SEMA5A: variants seen among roughly 807,000 people sequenced by gnomAD.
The protein encoded by SEMA5A is semaphorin 5A.
In SEMA5A, 55 loss-of-function variants were observed where a neutral mutation model predicts 135.5. That is an observed-to-expected ratio of 0.41 (90% CI 0.33 to 0.51). The LOEUF (loss-of-function observed/expected upper bound fraction) is 0.51, where lower values mean the gene tolerates loss of function less well. Ranked by LOEUF, SEMA5A falls within the 20% of genes least tolerant of loss-of-function variation. The pLI, the probability that SEMA5A is intolerant of heterozygous loss-of-function variation, is 0.37. For synonymous variants in SEMA5A, 580 were observed against 546.5 expected (o/e 1.06, Z -0.85); for missense variants, 1,290 against 1,419.9 (o/e 0.91, Z 1.47).
chr5:9,122,562 C>T, intron 14 of SEMA5A, 94 bp downstream of exon 14: 1 of 1,279,068 alleles, frequency 7.8e-7, no homozygotes. Flanking sequence ...CAGTTCTCTC[C>T]AAAAGGGAGT....
intron 5 of SEMA5A, among the ~76,000 whole-genome samples, chr5:9,312,671 T>G (rs1241714832): frequency 6.6e-6 from 1 of 152,270 alleles, no homozygotes; most frequent in Non-Finnish European, 1.5e-5. Flanking sequence ...GTATCCCAAT[T>G]CCTGCTCAAA....
intron 5 of SEMA5A, among the ~76,000 whole-genome samples, chr5:9,249,474 G>T (rs1302031325): frequency 2.0e-5 from 3 of 152,192 alleles, no homozygotes; most frequent in African/African-American, 4.8e-5. Context: ...ATATCTCTTT[G>T]AGAGTGACTC....
chr5:9,262,319 A>C (rs1332665774), intron 5 of SEMA5A, among the ~76,000 whole-genome samples: 1 of 107,274 alleles, frequency 9.3e-6, no homozygotes, highest in Non-Finnish European at 1.8e-5. Context: ...TAGTTCAACC[A>C]TTGTGGAAGT....
chr5:9,099,006 T>A (rs577527605), intron 16 of SEMA5A, among the ~76,000 whole-genome samples: 5 of 152,064 alleles, frequency 3.3e-5, no homozygotes, highest in Admixed American at 2.6e-4. Context: ...TACAACAGAG[T>A]CTTCCAACAT....
intron 5 of SEMA5A, among the ~76,000 whole-genome samples, chr5:9,274,255 T>C (rs964523497): frequency 6.6e-6 from 1 of 152,090 alleles, no homozygotes; most frequent in African/African-American, 2.4e-5. Flanking sequence ...CATTACATAA[T>C]AGTAAAGGGA....
chr5:9,540,278 G>A (rs910150726), intron 1 of SEMA5A, among the ~76,000 whole-genome samples: 1 of 152,144 alleles, frequency 6.6e-6, no homozygotes, highest in Non-Finnish European at 1.5e-5. Context: ...AAGGCAGTGC[G>A]TGGAGTTCTG....
At chr5:9,117,459 A>G (rs1272251920) in intron 15 of SEMA5A, among the ~76,000 whole-genome samples, 1 of 152,250 alleles carries the variant, frequency 6.6e-6, no homozygotes, top group African/African-American at 2.4e-5. Context: ...TGGTGTATAT[A>G]TAATGAGATA....
intron 1 of SEMA5A, among the ~76,000 whole-genome samples, chr5:9,438,979 C>T (rs1413638958): frequency 6.6e-6 from 1 of 152,222 alleles, no homozygotes; most frequent in Non-Finnish European, 1.5e-5. Flanking sequence ...CACTGCCTCT[C>T]TATGAGTCTC....
At chr5:9,225,134 C>G (rs1162806092) in intron 7 of SEMA5A, among the ~76,000 whole-genome samples, 1 of 152,058 alleles carries the variant, frequency 6.6e-6, no homozygotes, top group Non-Finnish European at 1.5e-5. Context: ...ACTGAATACT[C>G]ACAAAATAAG....
chr5:9,311,804 G>T (rs1242884394), intron 5 of SEMA5A, among the ~76,000 whole-genome samples: 2 of 152,064 alleles, frequency 1.3e-5, no homozygotes, highest in African/African-American at 4.8e-5. Flanking sequence ...TAACTTTGGA[G>T]AGAATTCTCT....
At chr5:9,047,627 A>ATGTT (rs1554020236) in intron 21 of SEMA5A, among the ~76,000 whole-genome samples, 10 of 152,332 alleles carry the variant, frequency 6.6e-5, no homozygotes, top group African/African-American at 2.4e-4. Context: ...TTCCTGTACA[A>ATGTT]TGATTGATTT....
At chr5:9,055,078 G>C (rs771505946) in intron 18 of SEMA5A, among the ~76,000 whole-genome samples, 1 of 152,152 alleles carries the variant, frequency 6.6e-6, no homozygotes, top group Non-Finnish European at 1.5e-5. Flanking sequence ...CTGTAGACCC[G>C]CCTGCTGAAT....
chr5:9,434,679 A>G (rs1447204737), intron 2 of SEMA5A, among the ~76,000 whole-genome samples: 2 of 152,154 alleles, frequency 1.3e-5, no homozygotes, highest in African/African-American at 4.8e-5. Context: ...TTCTCAGTTA[A>G]TAAGGAATCA....
Position 9,259,509 on chromosome 5 carries a change from C to T in SEMA5A, c.271-21619G>A, listed in dbSNP as rs542253594. Among the ~76,000 whole-genome samples the T allele has an allele frequency of 9.6e-3, 1,440 of 150,452 alleles. 24 individuals are homozygous for T. The highest frequency in any genetic ancestry group is 0.034 in the African/African-American group (1,388 of 40,860). On this transcript the variant is annotated intron_variant, in intron 5 of 22. Transcript: ENST00000382496. ...ATCTTGGAATAGGTGTGGTGTGGTG[C>T]TGAAAAAAATGTATATTCTGTTGAT...
At chr5:9,541,852 A>G (rs1199577153) in intron 1 of SEMA5A, among the ~76,000 whole-genome samples, 1 of 152,218 alleles carries the variant, frequency 6.6e-6, no homozygotes, top group Non-Finnish European at 1.5e-5. Flanking sequence ...TGAAATGGAC[A>G]GCCTGGTTTC....
intron 5 of SEMA5A, among the ~76,000 whole-genome samples, chr5:9,292,679 C>A (rs1238042121): frequency 6.6e-6 from 1 of 152,068 alleles, no homozygotes; most frequent in South Asian, 2.1e-4. Context: ...TTTGAAAATA[C>A]ACACTCAAGT....
intron 1 of SEMA5A, among the ~76,000 whole-genome samples, chr5:9,525,515 C>T (rs922329110): frequency 6.6e-6 from 1 of 152,184 alleles, no homozygotes; most frequent in African/African-American, 2.4e-5. Context: ...GGGACAAGGA[C>T]CCAGGGGATG....
chr5:9,520,748 G>C (rs1736782421), intron 1 of SEMA5A, among the ~76,000 whole-genome samples: 1 of 152,116 alleles, frequency 6.6e-6, no homozygotes, highest in Admixed American at 6.5e-5. Flanking sequence ...AAAAACCTCA[G>C]ACACAGCCAA....
chr5:9,451,522 G>T (rs549221321), intron 1 of SEMA5A, among the ~76,000 whole-genome samples: 1 of 152,344 alleles, frequency 6.6e-6, no homozygotes, highest in African/African-American at 2.4e-5. Context: ...GCCATAGTCA[G>T]AAAAGTGGGG....
Sources: gnomAD v4.1 joint callset for allele counts (sites outside exome capture counted in the v4.1 genomes callset) on GRCh38, gnomAD v4.1.1 for gene constraint, MANE v1.5 for transcripts, NCBI Gene and HGNC (gene_info 2026-07-23, HGNC 2026-07-21) for gene names.